Variants in ZMYM2 observed in about 807,000 individuals in gnomAD.
The protein encoded by ZMYM2 is zinc finger MYM-type containing 2, also known as zinc finger MYM-type protein 2.
Under a neutral mutation model 162.8 loss-of-function variants are expected in ZMYM2, and 56 were observed. The observed-to-expected ratio is 0.34, with a 90% CI of 0.28 to 0.43. The LOEUF is 0.43. Among genes scored for constraint, ZMYM2 ranks in the 20% least tolerant of loss-of-function variants. The probability of loss-of-function intolerance (pLI) is 1.00; values close to 1 mark genes in which losing one functional copy is unlikely to be tolerated. For synonymous variants in ZMYM2, 510 were observed against 541.6 expected, an observed-to-expected ratio of 0.94 and a Z score of 0.81; for missense variants, 1,275 against 1,621.8, an observed-to-expected ratio of 0.79 and a Z score of 3.67.
intron 10 of ZMYM2, among the ~76,000 whole-genome samples, chr13:20,032,037 A>AT (rs1953209657): frequency 6.6e-6 from 1 of 151,610 alleles, no homozygotes; most frequent in Non-Finnish European, 1.5e-5. Context: ...TGCCCAGCTA[A>AT]TTTTTGTATT....
intron 2 of ZMYM2, among the ~76,000 whole-genome samples, chr13:19,963,436 A>G (rs190594240): frequency 1.7e-4 from 26 of 152,338 alleles, no homozygotes; most frequent in Admixed American, 1.6e-3. Flanking sequence ...GGATAAATCC[A>G]TGAATTTGAG....
upstream of ZMYM2, chr13:19,958,605 G>T (rs1321150241): frequency 1.3e-5 from 2 of 152,060 alleles, no homozygotes; most frequent in African/African-American, 4.8e-5. Flanking sequence ...GGGCCCTGAA[G>T]GACGGCCGTC....
intron 2 of ZMYM2, chr13:19,965,338 C>A (rs887839679): frequency 7.4e-6 from 7 of 943,622 alleles, no homozygotes; most frequent in Non-Finnish European, 2.9e-6. Context: ...AAAATGACTT[C>A]TCTTCTAATA....
chr13:20,060,685 A>C (rs1003444382), intron 16 of ZMYM2, among the ~76,000 whole-genome samples: 1 of 152,216 alleles, frequency 6.6e-6, no homozygotes, highest in Non-Finnish European at 1.5e-5. Flanking sequence ...TCTCAAAAAA[A>C]AAAAAGAAAA....
Position 20,034,304 on chromosome 13 carries a change from G to A in ZMYM2, c.2019G>A (p.Lys673=). The change falls in exon 11 of 25, where the codon AAG becomes AAA. Residue 673 remains lysine (K), a synonymous_variant. Coordinates refer to ENST00000610343, the MANE Select transcript of ZMYM2 (RefSeq NM_197968.4). ...AAACTTGTTCAGATGACTATAAGAA[G>A]TTGCATTGCATAGTTACATATTGCG... ...CSKTCSDDYK[K]LHCIVTYCEY... 6.2e-7 allele frequency: 1 copy of A among 1,610,454 alleles called. No individual in the cohort carries two copies. Among genetic ancestry groups the A allele is most frequent in the Non-Finnish European group, 8.5e-7 (1 of 1,178,734 alleles).
the ZMYM2 span, among the ~76,000 whole-genome samples, chr13:19,926,645 T>G: frequency 6.6e-6 from 1 of 152,152 alleles, no homozygotes; most frequent in Non-Finnish European, 1.5e-5. Flanking sequence ...ATTACAGGCG[T>G]GAGCCACTGC....
chr13:20,083,624 T>A, intron 23 of ZMYM2, 32 bp from the exon 24 acceptor site: 1 of 1,434,540 alleles, frequency 7.0e-7, no homozygotes, highest in Non-Finnish European at 9.5e-7. Context: ...CAAGATTAGT[T>A]TAGGAGGTTT....
the ZMYM2 span, among the ~76,000 whole-genome samples, chr13:19,920,959 T>C: frequency 2.6e-5 from 4 of 151,138 alleles, no homozygotes; most frequent in African/African-American, 7.3e-5. Context: ...TTAGGAGATA[T>C]GGAGTTTCTC....
At chr13:19,957,341 T>C (rs1403090653), upstream of ZMYM2, among the ~76,000 whole-genome samples, 2 of 152,344 alleles carry the variant, frequency 1.3e-5, no homozygotes, top group East Asian at 3.9e-4. Context: ...AATCGTGAAA[T>C]TGAGAAGTCG....
chr13:19,937,051 T>C, the ZMYM2 span, among the ~76,000 whole-genome samples: 1 of 152,100 alleles, frequency 6.6e-6, no homozygotes, highest in African/African-American at 2.4e-5. Flanking sequence ...TTTAAATTAG[T>C]ACGCAGCTTC....
In ZMYM2 at chr13:20,061,207, A is replaced by C. The variant is rs1257402907; in HGVS notation, c.2894A>C (p.Glu965Ala). 2 of 1,613,642 alleles carry C rather than the reference A, an allele frequency of 1.2e-6. No homozygotes were observed. Among genetic ancestry groups the C allele is most frequent in the South Asian group, 1.1e-5 (1 of 90,968 alleles). ...DMMSEDEGKT[E>A]TTNINSVIIE... ...ATGAGTGAAGACGAGGGGAAAACAG[A>C]GACAACCAACATCAACAGTGAGCTA... Residue 965 changes from glutamate to alanine, a missense_variant, in exon 17 of 25, where the codon GAG becomes GCG. Glu to Ala is a moderately radical substitution (Grantham distance 107). This residue lies in a region of ZMYM2 where 229 missense variants were observed against 283.8 expected (regional missense o/e 0.81). Coordinates refer to ENST00000610343, the MANE Select transcript of ZMYM2 (RefSeq NM_197968.4).
At chr13:19,884,656 G>T in the ZMYM2 span, among the ~76,000 whole-genome samples, 1 of 152,134 alleles carries the variant, frequency 6.6e-6, no homozygotes, top group East Asian at 1.9e-4. Flanking sequence ...TCCTTCCGGT[G>T]TGCCATAGTT....
the ZMYM2 span, among the ~76,000 whole-genome samples, chr13:19,866,363 G>T: frequency 6.6e-6 from 1 of 152,100 alleles, no homozygotes; most frequent in Non-Finnish European, 1.5e-5. Flanking sequence ...CAGCACAGTG[G>T]TACACTAAAA....
intron 9 of ZMYM2, among the ~76,000 whole-genome samples, chr13:20,029,808 T>C (rs1010655688): frequency 1.3e-5 from 2 of 152,254 alleles, no homozygotes; most frequent in South Asian, 2.1e-4. Flanking sequence ...TAAATTTTTT[T>C]TTTTTTGGAG....
At chr13:19,893,752 AGT>A in the ZMYM2 span, among the ~76,000 whole-genome samples, 1 of 151,390 alleles carries the variant, frequency 6.6e-6, no homozygotes, top group African/African-American at 2.4e-5. Context: ...AAACTAAATA[AGT>A]AAAAAATAAA....
At chr13:20,010,155 C>G (rs888191503) in intron 6 of ZMYM2, among the ~76,000 whole-genome samples, 1 of 152,030 alleles carries the variant, frequency 6.6e-6, no homozygotes, top group African/African-American at 2.4e-5. Flanking sequence ...ATTTGCATTT[C>G]CCTAATGACT....
At chr13:20,015,654 G>A (rs931817788) in intron 6 of ZMYM2, among the ~76,000 whole-genome samples, 1 of 151,888 alleles carries the variant, frequency 6.6e-6, no homozygotes, top group Non-Finnish European at 1.5e-5. Context: ...GTATTTTGGG[G>A]GTTTTGATAC....
At chr13:19,968,407 G>A (rs532714686) in intron 2 of ZMYM2, among the ~76,000 whole-genome samples, 40 of 152,146 alleles carry the variant, frequency 2.6e-4, no homozygotes, top group African/African-American at 7.0e-4. Context: ...TTACAGGTGC[G>A]CGCCACTGTC....
rs1027973080 is a variant in ZMYM2 at position 20,088,343 on chromosome 13, A to G, written c.*2329A>G. ...GTTGACTGCTGAGAAAAGGACAATG[A>G]AATGATAGCAATTTCCTTTTGCTTC... On this transcript the variant is annotated 3_prime_UTR_variant, in exon 25 of 25. Coordinates refer to ENST00000610343, the MANE Select transcript of ZMYM2 (RefSeq NM_197968.4). 1.9e-5 allele frequency: 4 copies of G among 206,176 alleles called. No individual in the cohort carries two copies. The highest frequency in any genetic ancestry group is 9.1e-5 in the African/African-American group (4 of 43,902). 12.8% of individuals were successfully genotyped at this position (206,176 alleles called of 1,614,324 possible). A position where few individuals can be genotyped will look rare whatever the true frequency, so the allele number is the denominator to read the frequency against.
Sources: gnomAD v4.1 joint callset for allele counts (sites outside exome capture counted in the v4.1 genomes callset) on GRCh38, gnomAD v4.1.1 for gene constraint, gnomAD v4.1.1 regional missense constraint, MANE v1.5 for transcripts, NCBI Gene and HGNC (gene_info 2026-07-23, HGNC 2026-07-21) for gene names.